PTPN20: variants seen among roughly 807,000 people sequenced by gnomAD.
PTPN20 encodes the protein tyrosine-protein phosphatase non-receptor type 20.
A neutral mutation model predicts 35.0 loss-of-function variants in PTPN20; 9 were observed. The ratio of observed to expected loss-of-function variants is 0.26; its 90% confidence interval spans 0.15 to 0.45. The LOEUF (loss-of-function observed/expected upper bound fraction) is 0.45, where lower values mean the gene tolerates loss of function less well. PTPN20 is among the 20% of genes least tolerant of loss of function. PTPN20 has a pLI of 1.00. For missense variants in PTPN20, 111 were observed against 312.5 expected (o/e 0.36, Z 4.86); for synonymous variants, 32 against 100.2 (o/e 0.32, Z 4.06).
chr10:46,997,344 T>C (rs1474900629), intron 9 of PTPN20, among the ~76,000 whole-genome samples: 1 of 151,890 alleles, frequency 6.6e-6, no homozygotes, highest in African/African-American at 2.4e-5. Flanking sequence ...AATTACTTAT[T>C]AGCTCTTAGA....
chr10:46,957,361 A>G (rs2048702817), intron 5 of PTPN20, among the ~76,000 whole-genome samples: 2 of 147,296 alleles, frequency 1.4e-5, no homozygotes, highest in Non-Finnish European at 3.0e-5. Flanking sequence ...CATTGAGTAT[A>G]TTTGCTGTGG....
intron 9 of PTPN20, among the ~76,000 whole-genome samples, chr10:46,999,317 T>C (rs2059699622): frequency 1.3e-5 from 2 of 152,202 alleles, no homozygotes; most frequent in Non-Finnish European, 2.9e-5. Flanking sequence ...TGAGCTGGTC[T>C]ATATCCTGTT....
Position 46,999,966 on chromosome 10 carries a change from C to G in PTPN20, c.1189C>G (p.Gln397Glu). ...GAGAGAACAACGTTCTGGCATGGTT[C>G]AAACGAAGGTAAGCTTTCACCACAT... ...QMREQRSGMV[Q>E]TKEQYHFCYD... is the part of the protein sequence containing the mutation. Residue 397 changes from glutamine to glutamate, a missense_variant, in exon 10 of 11, where the codon CAA (glutamine) becomes GAA (glutamate). By Grantham distance (29) the Gln-to-Glu change is conservative. Coordinates refer to ENST00000374339, the MANE Select transcript of PTPN20 (RefSeq NM_001042357.5). 6.2e-7 allele frequency: 1 copy of G among 1,613,700 alleles called. No homozygotes were observed. The highest frequency in any genetic ancestry group is 1.1e-5 in the South Asian group (1 of 91,052).
chr10:46,952,852 C>A (rs1176789777), intron 5 of PTPN20, among the ~76,000 whole-genome samples: 1 of 151,344 alleles, frequency 6.6e-6, no homozygotes. Context: ...GAATCCAGCA[C>A]ACTAGGCAGT....
In PTPN20 at chr10:46,953,372, TTTCTTTCTTTCTTTCTTTCTTTC is replaced by T. The variant is rs2047357981; in HGVS notation, c.340+6700_340+6722del. On this transcript the variant is annotated intron_variant, in intron 5 of 10. Coordinates refer to ENST00000374339, the MANE Select transcript of PTPN20 (RefSeq NM_001042357.5). ...CTTTCTTTCTTTCTTTCTTTCTTTC[TTTCTTTCTTTCTTTCTTTCTTTC>T]TTTTTTTTTGACTTACTAACTTATT... 2.1e-5 allele frequency among the ~76,000 whole-genome samples: 3 copies of T among 142,558 alleles called. 1 individual carries two copies. The highest frequency in any genetic ancestry group is 8.9e-5 in the African/African-American group (3 of 33,756). The allele number at this position is 142,558 out of a possible 152,430, so 93.5% of individuals were successfully genotyped here. A position where few individuals can be genotyped will look rare whatever the true frequency, so the allele number is the denominator to read the frequency against.
At chr10:47,003,039 A>C (rs1268825515), downstream of PTPN20, among the ~76,000 whole-genome samples, 2 of 151,970 alleles carry the variant, frequency 1.3e-5, no homozygotes, top group Non-Finnish European at 2.9e-5. Context: ...CTTGAGGTTC[A>C]TGTAATTGAA....
At chr10:46,944,800 T>C (rs1273064964) in intron 4 of PTPN20, among the ~76,000 whole-genome samples, 1 of 148,074 alleles carries the variant, frequency 6.8e-6, no homozygotes, top group African/African-American at 2.6e-5. Context: ...TTTTTTGCTC[T>C]TTAGTTCACA....
chr10:46,941,771 A>T (rs1366992606), intron 3 of PTPN20, among the ~76,000 whole-genome samples: 1 of 146,768 alleles, frequency 6.8e-6, no homozygotes, highest in African/African-American at 2.6e-5. Context: ...GATATGCTTT[A>T]AAGTTTCCTT....
At chr10:46,925,803 T>G (rs1185058298) in intron 1 of PTPN20, among the ~76,000 whole-genome samples, 1 of 151,764 alleles carries the variant, frequency 6.6e-6, no homozygotes, top group African/African-American at 2.4e-5. Context: ...TAAAAAATTT[T>G]GTACCTGCAA....
intron 2 of PTPN20, among the ~76,000 whole-genome samples, chr10:46,937,953 T>TC (rs1395667285): frequency 9.5e-5 from 14 of 146,720 alleles, no homozygotes; most frequent in Admixed American, 8.8e-4. Flanking sequence ...TTCTTTTCTT[T>TC]TTTTTTTTTT....
At chr10:46,932,310 A>T in intron 1 of PTPN20, 67 bp from the exon 2 acceptor site, 1 of 1,536,996 alleles carries the variant, frequency 6.5e-7, no homozygotes, top group Non-Finnish European at 8.7e-7. Context: ...ATGAGTAATA[A>T]TATGTCAAAG....
At chr10:46,953,388 T>TTTCTTTC (rs1199376135) in intron 5 of PTPN20, among the ~76,000 whole-genome samples, 1 of 143,134 alleles carries the variant, frequency 7.0e-6, no homozygotes, top group Non-Finnish European at 1.5e-5. Context: ...TCTTTCTTTC[T>TTTCTTTC]TTCTTTCTTT....
At chr10:46,925,070 A>G (rs1249028215) in intron 1 of PTPN20, among the ~76,000 whole-genome samples, 4 of 149,822 alleles carry the variant, frequency 2.7e-5, no homozygotes, top group East Asian at 2.1e-4. Flanking sequence ...TACTCGGTAC[A>G]TGGAAGGTGT....
chr10:46,926,465 G>A (rs1475289130), intron 1 of PTPN20, among the ~76,000 whole-genome samples: 15 of 151,580 alleles, frequency 9.9e-5, no homozygotes, highest in Admixed American at 4.6e-4. Context: ...CTTCTTTTGC[G>A]GAGATGGCTG....
chr10:46,950,968 A>G (rs1555145572), intron 5 of PTPN20, among the ~76,000 whole-genome samples: 1 of 148,516 alleles, frequency 6.7e-6, no homozygotes, highest in Non-Finnish European at 1.5e-5. Flanking sequence ...TGGAAATACC[A>G]TAATATATTC....
In PTPN20 at chr10:46,932,387, A is replaced by T. The variant is rs2039993950; in HGVS notation, c.-113A>T. The T allele has an allele frequency of 6.2e-7, 1 of 1,606,118 alleles. No individual in the cohort carries two copies. Among genetic ancestry groups the T allele is most frequent in the East Asian group, 2.2e-5 (1 of 44,790 alleles). ...TGTGTGTTTTACCAGGTGAACAAAA[A>T]TTGTTTGCTGGCCCCCAGGATACTA... On this transcript the variant is annotated 5_prime_UTR_variant, in exon 2 of 11. Transcript: ENST00000374339.
chr10:46,983,841 A>G (rs1420695528), intron 7 of PTPN20, among the ~76,000 whole-genome samples: 32 of 144,746 alleles, frequency 2.2e-4, no homozygotes, highest in Non-Finnish European at 3.0e-4. Flanking sequence ...GCAGGATAAT[A>G]TCACTCATTT....
rs1250642406 is a variant in PTPN20, at chr10:46,953,826, A to C, written c.340+7151A>C. On this transcript the variant is annotated intron_variant, in intron 5 of 10. Transcript: ENST00000374339. ...TTGATTTGCTAGTATTTTCCTGAAG[A>C]CTTTTTTTGTGTTTATGTTCATGAC... 4.8e-5 allele frequency among the ~76,000 whole-genome samples: 7 copies of C among 146,216 alleles called. 1 individual carries two copies. The highest frequency in any genetic ancestry group is 1.3e-4 in the Admixed American group (2 of 14,852).
chr10:46,938,948 T>G (rs1197459356), intron 2 of PTPN20, among the ~76,000 whole-genome samples: 1 of 151,592 alleles, frequency 6.6e-6, no homozygotes, highest in Middle Eastern at 3.4e-3. Context: ...CATTTTTTGT[T>G]TGTCAGGTGA....
Sources: gnomAD v4.1 joint callset for allele counts (sites outside exome capture counted in the v4.1 genomes callset) on GRCh38, gnomAD v4.1.1 for gene constraint, MANE v1.5 for transcripts, NCBI Gene and HGNC (gene_info 2026-07-23, HGNC 2026-07-21) for gene names.